EYA1: variants seen among roughly 807,000 people sequenced by gnomAD.
The protein encoded by EYA1 is protein phosphatase EYA1.
EYA1 carries 16 observed loss-of-function variants against 82.0 expected under a neutral mutation model. The observed-to-expected ratio is 0.20, with a 90% confidence interval of 0.13 to 0.30. The LOEUF (loss-of-function observed/expected upper bound fraction) is 0.30, where lower values mean the gene tolerates loss of function less well. EYA1 is among the 10% of genes least tolerant of loss of function. The pLI, the probability that EYA1 is intolerant of heterozygous loss-of-function variation, is 1.00. For synonymous variants in EYA1, 261 were observed against 264.4 expected, an observed-to-expected ratio of 0.99 and a Z score of 0.12; for missense variants, 633 against 730.7, an observed-to-expected ratio of 0.87 and a Z score of 1.54.
intron 2 of EYA1, among the ~76,000 whole-genome samples, chr8:71,456,061 T>A (rs1807873283): frequency 1.3e-5 from 2 of 152,214 alleles, no homozygotes; most frequent in Non-Finnish European, 2.9e-5. Context: ...CAGCAAAGTC[T>A]CAGGATACAA....
chr8:71,212,174 C>T (rs1392010502), intron 16 of EYA1, among the ~76,000 whole-genome samples: 1 of 152,186 alleles, frequency 6.6e-6, no homozygotes, highest in Non-Finnish European at 1.5e-5. Context: ...GCGAAGCCTG[C>T]ACCTCTTTCA....
At position 71,349,719 on chromosome 8, in the gene EYA1, C is replaced by G. The variant is rs138822575; in HGVS notation, c.124+5063G>C. ...ATTTTACAGATGAGAAAACAGCCAC[C>G]CAGAAGCTGACTTGTCTGAGTTCAC... is the stretch of plus-strand genomic sequence containing the variant. On this transcript the variant is annotated intron_variant, in intron 3 of 17. Transcript: ENST00000340726. Among the ~76,000 whole-genome samples, 1,125 of 152,236 alleles carry G rather than the reference C, an allele frequency of 7.4e-3. 10 individuals are homozygous for G. The highest frequency in any genetic ancestry group is 9.6e-3 in the Non-Finnish European group (654 of 68,014).
intron 2 of EYA1, among the ~76,000 whole-genome samples, chr8:71,459,648 C>CT (rs1459817428): frequency 1.3e-5 from 2 of 151,512 alleles, no homozygotes; most frequent in South Asian, 4.2e-4. Flanking sequence ...CTTTTTTCTC[C>CT]TTTTTTATTG....
intron 7 of EYA1, among the ~76,000 whole-genome samples, chr8:71,311,772 G>T (rs1821368918): frequency 6.6e-6 from 1 of 152,196 alleles, no homozygotes; most frequent in South Asian, 2.1e-4. Flanking sequence ...AGCATGAATA[G>T]AATTTTCCAG....
At chr8:71,517,254 C>A (rs1813038132) in intron 2 of EYA1, among the ~76,000 whole-genome samples, 1 of 152,020 alleles carries the variant, frequency 6.6e-6, no homozygotes, top group African/African-American at 2.4e-5. Flanking sequence ...CAACTCTCTA[C>A]AAACATCATT....
chr8:71,482,278 A>G (rs1348861529), intron 2 of EYA1, among the ~76,000 whole-genome samples: 1 of 152,230 alleles, frequency 6.6e-6, no homozygotes, highest in Non-Finnish European at 1.5e-5. Flanking sequence ...AATGGCTAAA[A>G]AGCATACGAA....
chr8:71,356,955 C>A (rs1484884381), intron 1 of EYA1, among the ~76,000 whole-genome samples: 1 of 152,224 alleles, frequency 6.6e-6, no homozygotes, highest in Non-Finnish European at 1.5e-5. Context: ...TTATCACCAG[C>A]TGAAATAGAG....
At chr8:71,517,815 G>T (rs73686205) in intron 2 of EYA1, among the ~76,000 whole-genome samples, 43,437 of 150,034 alleles carry the variant, frequency 0.29, 6,592 homozygotes, top group African/African-American at 0.38. Flanking sequence ...TTTATTAATT[G>T]TAAGTATGGA....
chr8:71,219,619 A>T (rs895040582), intron 12 of EYA1, among the ~76,000 whole-genome samples: 1 of 152,222 alleles, frequency 6.6e-6, no homozygotes, highest in Non-Finnish European at 1.5e-5. Flanking sequence ...GTATGTTTTT[A>T]AAAAATTGTT....
At chr8:71,369,459 C>G (rs972373846) in intron 2 of EYA1, among the ~76,000 whole-genome samples, 13 of 152,160 alleles carry the variant, frequency 8.5e-5, no homozygotes, top group Admixed American at 8.5e-4. Flanking sequence ...CTTCTGTTGT[C>G]ACAGTACTTA....
At position 71,494,022 on chromosome 8, in the gene EYA1, C is replaced by CAAAAAAAAAAA. The variant is rs34340467; in HGVS notation, c.33+41711_33+41721dup. Among the ~76,000 whole-genome samples the CAAAAAAAAAAA allele has an allele frequency of 7.7e-3, 321 of 41,802 alleles. 20 individuals carry two copies. Among genetic ancestry groups the CAAAAAAAAAAA allele is most frequent in the African/African-American group, 0.011 (164 of 14,850 alleles). The allele number at this position is 41,802 out of a possible 152,430, so 27.4% of individuals were successfully genotyped here. ...TGGGCGACAGAGCGAGACTCCGTCT[C>CAAAAAAAAAAA]AAAAAAAAAAAAAAAAAAAAAAAGA... On this transcript the variant is annotated intron_variant, in intron 2 of 18. Transcript: ENST00000643681.
chr8:71,393,343 C>T (rs1318555095), intron 2 of EYA1, among the ~76,000 whole-genome samples: 6 of 152,032 alleles, frequency 3.9e-5, no homozygotes, highest in East Asian at 1.9e-4. Context: ...ATGTGCACAA[C>T]GTGCAGGTTT....
chr8:71,369,888 T>A (rs1178183797), intron 2 of EYA1, among the ~76,000 whole-genome samples: 1 of 152,124 alleles, frequency 6.6e-6, no homozygotes, highest in Non-Finnish European at 1.5e-5. Context: ...TATAGGAACA[T>A]TAATTTTATT....
rs753245290 is a variant in EYA1, at chr8:71,334,096, C to T, written c.202+1G>A. 2 of 1,610,120 alleles carry T rather than the reference C, an allele frequency of 1.2e-6. No homozygotes were observed. Among genetic ancestry groups the T allele is most frequent in the Non-Finnish European group, 1.7e-6 (2 of 1,176,564 alleles). The stretch of plus-strand genomic sequence containing the variant: ...GTGAAAATCTAATATTTATTCCTTA[C>T]CTGAACCTGAGAAATTGTTTAAAGA... On this transcript the variant is annotated splice_donor_variant, in intron 4 of 17. Transcript: ENST00000340726. LOFTEE classifies it high-confidence loss of function.
At chr8:71,262,795 A>C (rs986954836) in intron 11 of EYA1, among the ~76,000 whole-genome samples, 2 of 152,138 alleles carry the variant, frequency 1.3e-5, no homozygotes, top group Non-Finnish European at 2.9e-5. Context: ...AGAGAGATGA[A>C]GCATGCCTGT....
At chr8:71,413,988 C>T (rs570109739) in intron 2 of EYA1, among the ~76,000 whole-genome samples, 58 of 152,134 alleles carry the variant, frequency 3.8e-4, no homozygotes, top group Non-Finnish European at 6.3e-4. Context: ...TTAGAGAATG[C>T]TGTTGGGATT....
Position 71,271,831 on chromosome 8 carries a change from C to T in EYA1, c.893G>A (p.Gly298Asp), listed in dbSNP as rs1385104528. Residue 298 changes from glycine to aspartate, a missense_variant, in exon 10 of 18, where the codon GGT becomes GAT. By Grantham distance (94) the Gly-to-Asp change is moderately conservative. Transcript: ENST00000340726. Reference sequence around the variant, plus strand: ...CCGTCCACGTGATTTCCCATCTGAACCTCGACGCAATCGATCAGAATCTGA... The same window carrying T: ...CCGTCCACGTGATTTCCCATCTGAATCTCGACGCAATCGATCAGAATCTGA... ...KDSDSDRLRR[G>D]SDGKSRGRGR... The T allele has an allele frequency of 3.7e-6, 6 of 1,614,140 alleles. No homozygotes were observed. In the East Asian group the frequency reaches 1.1e-4, roughly 30 times the overall value.
intron 3 of EYA1, among the ~76,000 whole-genome samples, chr8:71,337,684 T>C (rs1033352665): frequency 6.6e-6 from 1 of 152,226 alleles, no homozygotes; most frequent in Non-Finnish European, 1.5e-5. Context: ...TAAGAATTCA[T>C]AAAAATGTAC....
intron 2 of EYA1, among the ~76,000 whole-genome samples, chr8:71,355,954 C>G (rs1400825564): frequency 1.3e-5 from 2 of 151,934 alleles, no homozygotes; most frequent in African/African-American, 2.4e-5. Context: ...TTATTTTAAA[C>G]TTTGTATGTT....
Sources: gnomAD v4.1 joint callset for allele counts (sites outside exome capture counted in the v4.1 genomes callset) on GRCh38, gnomAD v4.1.1 for gene constraint, MANE v1.5 for transcripts, NCBI Gene and HGNC (gene_info 2026-07-23, HGNC 2026-07-21) for gene names.